KCNC2: variants seen among roughly 807,000 people sequenced by gnomAD.
KCNC2 encodes voltage-gated potassium channel KCNC2.
KCNC2 carries 21 observed loss-of-function variants against 44.5 expected under a neutral mutation model. That is an observed-to-expected ratio of 0.47 (90% CI 0.33 to 0.68). The LOEUF is 0.68. Among genes scored for constraint, KCNC2 ranks in the 30% least tolerant of loss-of-function variants. The probability of loss-of-function intolerance (pLI) is 0.01; values close to 1 mark genes in which losing one functional copy is unlikely to be tolerated. For synonymous variants in KCNC2, 391 were observed against 339.1 expected (o/e 1.15, Z -1.68); for missense variants, 589 against 826.2 (o/e 0.71, Z 3.52).
chr12:75,207,278 G>T lies in KCNC2; in HGVS notation c.687+19C>A. 1.3e-6 allele frequency: 2 copies of T among 1,518,550 alleles called. No individual in the cohort carries two copies. Among genetic ancestry groups the T allele is most frequent in the Non-Finnish European group, 1.8e-6 (2 of 1,138,020 alleles). 94.1% of individuals were successfully genotyped at this position (1,518,550 alleles called of 1,614,324 possible). On this transcript the variant is annotated intron_variant, in intron 2 of 4. Transcript: ENST00000549446. The surrounding 1 kb of genome is among the most constrained non-coding windows in gnomAD (Gnocchi z 4.1). ...GGGAGAAGTTGAAGCAGCAGGGAAGGGGTCGATTCTGGCCTTACCCTGGCG... is the reference window on the plus strand; with the variant it reads ...GGGAGAAGTTGAAGCAGCAGGGAAGTGGTCGATTCTGGCCTTACCCTGGCG...
chr12:75,188,292 G>C (rs1174256872), intron 2 of KCNC2, among the ~76,000 whole-genome samples: 2 of 152,078 alleles, frequency 1.3e-5, no homozygotes, highest in Non-Finnish European at 2.9e-5. Flanking sequence ...TTTGTGTATA[G>C]GACTAATGCT....
intron 2 of KCNC2, among the ~76,000 whole-genome samples, chr12:75,124,500 G>A (rs1476610156): frequency 6.6e-6 from 1 of 152,088 alleles, no homozygotes; most frequent in Admixed American, 6.6e-5. Flanking sequence ...AAAATAATGG[G>A]CTCTGGATAT....
rs1448935421 is a variant in KCNC2 at position 75,209,239 on chromosome 12, T to A, written c.-52A>T. 1 of 152,176 alleles carries A rather than the reference T, an allele frequency of 6.6e-6. No individual in the cohort carries two copies. Among genetic ancestry groups the A allele is most frequent in the African/African-American group, 2.4e-5 (1 of 41,396 alleles). The allele number at this position is 152,176 out of a possible 1,614,324, so 9.4% of individuals were successfully genotyped here. On this transcript the variant is annotated 5_prime_UTR_variant, in exon 1 of 5. Coordinates refer to ENST00000549446, the MANE Select transcript of KCNC2 (RefSeq NM_139137.4). ...AGACCGAGAGAAAAGTGGTTCTGCT[T>A]TGGTTTCCGAGTGGACGAGGTTCTC...
chr12:75,127,126 A>C (rs11834361), intron 2 of KCNC2, among the ~76,000 whole-genome samples: 25,285 of 152,130 alleles, frequency 0.17, 2,676 homozygotes, highest in African/African-American at 0.29. Flanking sequence ...TGGGAACTCA[A>C]GGTGGAAATA....
intron 2 of KCNC2, among the ~76,000 whole-genome samples, chr12:75,094,870 A>G (rs1885791323): frequency 6.6e-6 from 1 of 151,826 alleles, no homozygotes; most frequent in Non-Finnish European, 1.5e-5. Flanking sequence ...CAAAGATATT[A>G]CAGAAAATGA....
chr12:75,158,349 A>C (rs1039851503), intron 2 of KCNC2, among the ~76,000 whole-genome samples: 5 of 151,962 alleles, frequency 3.3e-5, no homozygotes, highest in Non-Finnish European at 7.4e-5. Flanking sequence ...AATTTTAATA[A>C]GAATTAAACC....
At chr12:75,071,937 CAAAAAAAAAAAAA>C (rs751849483) in intron 2 of KCNC2, among the ~76,000 whole-genome samples, 2 of 67,358 alleles carry the variant, frequency 3.0e-5, no homozygotes. Flanking sequence ...GACTCCTTCT[CAAAAAAAAAAAAA>C]AAAAAAAAAA....
chr12:75,127,185 TTA>T (rs1180604402), intron 2 of KCNC2, among the ~76,000 whole-genome samples: 3 of 152,178 alleles, frequency 2.0e-5, no homozygotes, highest in Non-Finnish European at 4.4e-5. Flanking sequence ...AAGTCACATT[TTA>T]ACAAAGCGAG....
chr12:75,129,328 G>A (rs1305480899), intron 2 of KCNC2, among the ~76,000 whole-genome samples: 1 of 152,054 alleles, frequency 6.6e-6, no homozygotes, highest in East Asian at 1.9e-4. Context: ...CAGTTAGCCT[G>A]GTAATAAATT....
chr12:75,084,590 T>C (rs1884836388), intron 2 of KCNC2, among the ~76,000 whole-genome samples: 1 of 151,990 alleles, frequency 6.6e-6, no homozygotes, highest in Non-Finnish European at 1.5e-5. Context: ...TTTCACCTCC[T>C]GCCATGATTC....
intron 2 of KCNC2, among the ~76,000 whole-genome samples, chr12:75,107,816 G>T (rs1886912410): frequency 6.6e-6 from 1 of 152,120 alleles, no homozygotes; most frequent in Non-Finnish European, 1.5e-5. Context: ...AGCTGCAAAA[G>T]AATTGCTTTT....
At chr12:75,140,640 A>G (rs1889580948) in intron 2 of KCNC2, among the ~76,000 whole-genome samples, 2 of 152,134 alleles carry the variant, frequency 1.3e-5, no homozygotes, top group Admixed American at 1.3e-4. Flanking sequence ...ATGTCTACTC[A>G]TGAATAAATG....
chr12:75,136,794 C>G lies in KCNC2; in HGVS notation c.687+70503G>C, dbSNP rs1211488320. Among the ~76,000 whole-genome samples, 7 of 152,068 alleles carry G rather than the reference C, an allele frequency of 4.6e-5. No homozygotes were observed. The East Asian group carries it at 1.3e-3, about 29-fold the overall frequency. On this transcript the variant is annotated intron_variant, in intron 2 of 4. Transcript: ENST00000549446. ...TCCTACTGAAACTGTTCCAAAAAATCAAGGAGGAGGGAATCCTCCCTAACT... is the reference window on the plus strand; with the variant it reads ...TCCTACTGAAACTGTTCCAAAAAATGAAGGAGGAGGGAATCCTCCCTAACT...
At chr12:75,191,063 T>G (rs922846822) in intron 2 of KCNC2, among the ~76,000 whole-genome samples, 1 of 152,120 alleles carries the variant, frequency 6.6e-6, no homozygotes, top group African/African-American at 2.4e-5. Context: ...AATGACTAAT[T>G]AAAGTGTAAT....
intron 2 of KCNC2, among the ~76,000 whole-genome samples, chr12:75,160,206 A>G (rs948063195): frequency 4.0e-5 from 6 of 151,802 alleles, no homozygotes; most frequent in Admixed American, 3.9e-4. Flanking sequence ...AAATTTGGAC[A>G]CAGACACCAG....
chr12:75,078,353 CA>C (rs1470388471), intron 2 of KCNC2, among the ~76,000 whole-genome samples: 4 of 152,162 alleles, frequency 2.6e-5, no homozygotes, highest in Non-Finnish European at 5.9e-5. Flanking sequence ...CACCTTTCCT[CA>C]AACTCATGTG....
At position 75,050,745 on chromosome 12, in the gene KCNC2, C is replaced by A; in HGVS notation, c.1260G>T (p.Gln420His). ...PNDPSASEHT[Q>H]FKNIPIGFWW... ...AGAACCCAATGGGAATGTTTTTGAACTGTGTGTGCTCACTAGCTGAAGGGT... is the reference window on the plus strand; with the variant it reads ...AGAACCCAATGGGAATGTTTTTGAAATGTGTGTGCTCACTAGCTGAAGGGT... Residue 420 changes from glutamine to histidine, a missense_variant, in exon 3 of 5, where the codon CAG becomes CAT. This residue lies in a region of KCNC2 where 67 missense variants were observed against 237.4 expected (regional missense o/e 0.28). Coordinates refer to ENST00000549446, the MANE Select transcript of KCNC2 (RefSeq NM_139137.4). 1 of 1,613,586 alleles carries A rather than the reference C, an allele frequency of 6.2e-7. No homozygotes were observed. The highest frequency in any genetic ancestry group is 1.1e-5 in the South Asian group (1 of 91,054).
intron 2 of KCNC2, among the ~76,000 whole-genome samples, chr12:75,059,278 G>C (rs1882063735): frequency 6.6e-6 from 1 of 152,070 alleles, no homozygotes; most frequent in South Asian, 2.1e-4. Context: ...TCACATCATG[G>C]TCTAGGGACT....
chr12:75,103,060 G>A (rs1312942733), intron 2 of KCNC2, among the ~76,000 whole-genome samples: 1 of 152,046 alleles, frequency 6.6e-6, no homozygotes, highest in Non-Finnish European at 1.5e-5. Context: ...TAGATATTTG[G>A]AATGATGAAG....
Sources: gnomAD v4.1 joint callset for allele counts (sites outside exome capture counted in the v4.1 genomes callset) on GRCh38, gnomAD v4.1.1 for gene constraint, gnomAD v4.1.1 regional missense constraint, Gnocchi (gnomAD v3.1) non-coding constraint, MANE v1.5 for transcripts, NCBI Gene and HGNC (gene_info 2026-07-23, HGNC 2026-07-21) for gene names.